The following NF2 variants were observed in gnomAD, a reference collection of about 807,000 sequenced individuals.
NF2 encodes the protein NF2, moesin-ezrin-radixin like (MERLIN) tumor suppressor.
NF2 carries 8 observed loss-of-function variants against 83.7 expected under a neutral mutation model. The observed-to-expected ratio is 0.10, with a 90% CI of 0.06 to 0.17. NF2 has a LOEUF of 0.17. NF2 is among the 10% of genes least tolerant of loss of function. The pLI is 1.00. For synonymous variants in NF2, 266 were observed against 269.6 expected, an observed-to-expected ratio of 0.99 and a Z score of 0.13; for missense variants, 533 against 744.4, an observed-to-expected ratio of 0.72 and a Z score of 3.31.
rs117448754 is a variant in NF2, at chr22:29,633,525, T to G, written c.115-3226T>G. On this transcript the variant is annotated intron_variant, in intron 1 of 15. Coordinates refer to ENST00000338641, the MANE Select transcript of NF2 (RefSeq NM_000268.4). The stretch of plus-strand genomic sequence containing the variant: ...TTTCTGGCCTTCTTGATCCAGGGCT[T>G]CTTTTGTTCAACTCATACTCCACCC... Among the ~76,000 whole-genome samples the G allele has an allele frequency of 4.4e-3, 666 of 152,290 alleles. 13 individuals are homozygous for G. In the Middle Eastern group the frequency reaches 0.058, roughly 13 times the overall value.
chr22:29,656,374 A>G (rs1189944100), intron 6 of NF2, among the ~76,000 whole-genome samples: 1 of 139,886 alleles, frequency 7.1e-6, no homozygotes, highest in Non-Finnish European at 1.6e-5. Flanking sequence ...TTTTATTTTT[A>G]TACAATTGTA....
intron 3 of NF2, among the ~76,000 whole-genome samples, chr22:29,641,068 G>T (rs2065796560): frequency 1.3e-5 from 2 of 152,210 alleles, no homozygotes; most frequent in Non-Finnish European, 2.9e-5. Context: ...GGGAGGTGGA[G>T]GTTGCAGTGA....
rs778469232 is a variant in NF2 at position 29,642,243 on chromosome 22, T to A, written c.405T>A (p.Pro135=). The A allele has an allele frequency of 1.9e-6, 3 of 1,613,968 alleles. No homozygotes were observed. In the South Asian group the frequency reaches 3.3e-5, roughly 18 times the overall value. Residue 135 remains proline (P), a synonymous_variant, in exon 4 of 16, where the codon CCT becomes CCA. Transcript: ENST00000338641. ...QILDEKIYCP[P]EASVLLASYA... ...TAGATGAAAAGATCTACTGCCCTCC[T>A]GAGGCTTCTGTGCTCCTGGCTTCTT...
intron 8 of NF2, among the ~76,000 whole-genome samples, chr22:29,663,155 A>T (rs2066523582): frequency 6.6e-6 from 1 of 152,186 alleles, no homozygotes; most frequent in Non-Finnish European, 1.5e-5. Context: ...AAAGTACTTA[A>T]ATTGAAAGTT....
chr22:29,619,243 C>T (rs1257612470), intron 1 of NF2, among the ~76,000 whole-genome samples: 1 of 152,140 alleles, frequency 6.6e-6, no homozygotes, highest in African/African-American at 2.4e-5. Context: ...CAGGGTTTCT[C>T]CATGTTGGTC....
At chr22:29,624,300 C>T (rs369119170) in intron 1 of NF2, among the ~76,000 whole-genome samples, 7 of 152,036 alleles carry the variant, frequency 4.6e-5, no homozygotes, top group Non-Finnish European at 7.4e-5. Context: ...CTTTGCCTCC[C>T]GGGTTCAAGC....
Position 29,696,071 on chromosome 22 carries a change from T to A in NF2, c.*1269T>A. On this transcript the variant is annotated 3_prime_UTR_variant, in exon 16 of 16. Transcript: ENST00000338641. ...GGGCCACCTTCTTGCCCTTTCTTTT[T>A]TTTTTTTTTTTTTTTTTTCCGAGAT... 1 of 216,246 alleles carries A rather than the reference T, an allele frequency of 4.6e-6. No homozygotes were observed. Among genetic ancestry groups the A allele is most frequent in the Non-Finnish European group, 9.0e-6 (1 of 110,534 alleles). The allele number at this position is 216,246 out of a possible 1,614,324, so 13.4% of individuals were successfully genotyped here. A position where few individuals can be genotyped will look rare whatever the true frequency, so the allele number is the denominator to read the frequency against.
At chr22:29,632,232 C>G (rs1163606044) in intron 1 of NF2, among the ~76,000 whole-genome samples, 4 of 152,098 alleles carry the variant, frequency 2.6e-5, no homozygotes, top group African/African-American at 9.7e-5. Flanking sequence ...CTGAACTATC[C>G]TACTCCCATT....
intron 12 of NF2, 40 bp from the exon 13 acceptor site, chr22:29,674,796 C>G (rs756023854): frequency 6.5e-7 from 1 of 1,531,300 alleles, no homozygotes; most frequent in African/African-American, 1.4e-5. Flanking sequence ...CTGCTACCTG[C>G]CCTCTTCTGT....
At chr22:29,672,856 G>A (rs931198750) in intron 11 of NF2, among the ~76,000 whole-genome samples, 4 of 149,406 alleles carry the variant, frequency 2.7e-5, no homozygotes, top group South Asian at 2.1e-4. Flanking sequence ...CTGACCTCAG[G>A]TGATCTGCCC....
intron 3 of NF2, among the ~76,000 whole-genome samples, chr22:29,640,875 T>C (rs367869182): frequency 6.6e-6 from 1 of 152,180 alleles, no homozygotes. Flanking sequence ...GGCTCATGCC[T>C]GTAATCCCAG....
rs958923273 is a variant in NF2, at chr22:29,639,003, A to G, written c.241-87A>G. ...ATAAATTTAGTGGGAAAAAAATTTA[A>G]TGCACGCCTTGCAAAGGCTTCTTTG... On this transcript the variant is annotated intron_variant, in intron 2 of 15. Transcript: ENST00000338641. 7 of 1,589,570 alleles carry G rather than the reference A, an allele frequency of 4.4e-6. No individual in the cohort carries two copies. The Admixed American group carries it at 8.4e-5, about 19-fold the overall frequency.
intron 4 of NF2, 100 bp from the exon 5 acceptor site, chr22:29,654,557 C>T (rs1393768953): frequency 1.0e-6 from 1 of 970,888 alleles, no homozygotes; most frequent in East Asian, 2.4e-5. Context: ...AATTGAATTG[C>T]TCCCTGGAGC....
At chr22:29,683,145 C>T in intron 15 of NF2, 1 of 1,613,976 alleles carries the variant, frequency 6.2e-7, no homozygotes, top group Non-Finnish European at 8.5e-7. Context: ...TTGCCTGTCT[C>T]TGTCCTCGGG....
intron 1 of NF2, among the ~76,000 whole-genome samples, chr22:29,632,291 G>A (rs904583220): frequency 2.0e-5 from 3 of 152,052 alleles, no homozygotes; most frequent in African/African-American, 7.2e-5. Context: ...TTGTGCATAT[G>A]CTATTCCCTC....
intron 15 of NF2, among the ~76,000 whole-genome samples, chr22:29,689,763 C>G (rs2067358148): frequency 1.3e-5 from 2 of 152,228 alleles, no homozygotes; most frequent in African/African-American, 4.8e-5. Flanking sequence ...GCCAAAGTAG[C>G]TCTGTGTCTC....
chr22:29,641,185 C>CT (rs2065802311), intron 3 of NF2, among the ~76,000 whole-genome samples: 1 of 150,778 alleles, frequency 6.6e-6, no homozygotes, highest in South Asian at 2.1e-4. Context: ...TTTTTCCCCC[C>CT]TCTCTTTGGA....
intron 4 of NF2, 111 bp from the exon 5 acceptor site, chr22:29,654,546 G>T: frequency 2.3e-6 from 2 of 879,454 alleles, no homozygotes; most frequent in Admixed American, 3.6e-5. Flanking sequence ...CTTGTCATCG[G>T]AATTGAATTG....
At chr22:29,666,797 A>G (rs2066636819) in intron 9 of NF2, among the ~76,000 whole-genome samples, 1 of 152,056 alleles carries the variant, frequency 6.6e-6, no homozygotes, top group Admixed American at 6.6e-5. Flanking sequence ...ACCAACATGG[A>G]GAAATCCTGT....
Sources: allele counts gnomAD v4.1 joint callset (sites outside exome capture counted in the v4.1 genomes callset), GRCh38; gene constraint gnomAD v4.1.1; transcripts MANE v1.5; gene names NCBI Gene and HGNC (gene_info 2026-07-23, HGNC 2026-07-21).